CPED1: variants seen among roughly 807,000 people sequenced by gnomAD.
CPED1 encodes the protein cadherin-like and PC-esterase domain-containing protein 1.
CPED1 carries 114 observed loss-of-function variants against 128.2 expected under a neutral mutation model. The observed-to-expected ratio is 0.89, with a 90% CI of 0.76 to 1.04. The LOEUF is 1.04. Ranked by LOEUF, CPED1 falls within the 50% of genes least tolerant of loss-of-function variation. The probability of loss-of-function intolerance (pLI) is 0.00; values close to 1 mark genes in which losing one functional copy is unlikely to be tolerated. For synonymous variants in CPED1, 462 were observed against 426.7 expected (o/e 1.08, Z -1.02); for missense variants, 1,211 against 1,207.1 (o/e 1.00, Z -0.05).
At chr7:121,240,765 T>TTAAAAAAAAAA (rs558624522) in intron 17 of CPED1, among the ~76,000 whole-genome samples, 3 of 93,790 alleles carry the variant, frequency 3.2e-5, no homozygotes, top group Non-Finnish European at 5.9e-5. Context: ...CCTCTTCTGT[T>TTAAAAAAAAAA]AAAAAAAAAA....
At chr7:121,144,294 C>A (rs1795972476) in intron 16 of CPED1, among the ~76,000 whole-genome samples, 1 of 152,030 alleles carries the variant, frequency 6.6e-6, no homozygotes, top group South Asian at 2.1e-4. Flanking sequence ...ACCTAAGTGT[C>A]CATCAATGGA....
At chr7:121,142,190 TA>T in intron 16 of CPED1, 49 bp downstream of exon 16, 1 of 1,444,436 alleles carries the variant, frequency 6.9e-7, no homozygotes, top group Non-Finnish European at 9.4e-7. Context: ...AATGATCTGT[TA>T]ACCCAGGCGG....
In CPED1 at chr7:121,250,725, G is replaced by T. The variant is rs1449998393; in HGVS notation, c.2310+6387G>T. Among the ~76,000 whole-genome samples, 14 of 152,052 alleles carry T rather than the reference G, an allele frequency of 9.2e-5. No homozygotes were observed. In the East Asian group the frequency reaches 2.7e-3, roughly 29 times the overall value. ...ATAAACTAGAAAATCTAGAAGAAATGGATAAATTCCTCAACACATACACCC... is the reference window on the plus strand; with the variant it reads ...ATAAACTAGAAAATCTAGAAGAAATTGATAAATTCCTCAACACATACACCC... On this transcript the variant is annotated intron_variant, in intron 18 of 22. Transcript: ENST00000310396.
rs1224053933 is a variant in CPED1 at position 121,127,199 on chromosome 7, C to G, written c.1244C>G (p.Ser415Ter). 6.3e-7 allele frequency: 1 copy of G among 1,592,008 alleles called. No individual in the cohort carries two copies. The highest frequency in any genetic ancestry group is 1.3e-5 in the African/African-American group (1 of 74,360). Residue 415 changes from serine (S) to a stop codon, truncating the protein, a stop_gained, in exon 10 of 23, where the codon TCA becomes TGA. Transcript: ENST00000310396. LOFTEE classifies it high-confidence loss of function. ...TTCAATTTTCTCTTCCCTAATGAAT[C>G]ATCACTTTCCATATTTTCTGAGATA... ...DTFNFLFPNESSLSIFSEIFQ... is the reference protein window; with the variant it reads ...DTFNFLFPNE
At chr7:120,997,514 C>G (rs1796426917) in intron 2 of CPED1, among the ~76,000 whole-genome samples, 2 of 152,162 alleles carry the variant, frequency 1.3e-5, no homozygotes, top group Non-Finnish European at 2.9e-5. Context: ...GCCCTAAACT[C>G]CAGTACCTCA....
intron 18 of CPED1, among the ~76,000 whole-genome samples, chr7:121,252,767 G>T (rs550995967): frequency 6.6e-6 from 1 of 152,076 alleles, no homozygotes; most frequent in Admixed American, 6.6e-5. Context: ...CAGTGAGATA[G>T]CATCTCACAC....
chr7:121,086,757 C>T (rs751449009), intron 5 of CPED1, among the ~76,000 whole-genome samples: 2 of 152,208 alleles, frequency 1.3e-5, no homozygotes, highest in Admixed American at 1.3e-4. Context: ...GTGCTGAAAA[C>T]CTGAATTGCA....
intron 14 of CPED1, 38 bp downstream of exon 14, chr7:121,136,128 CA>C: frequency 6.6e-7 from 1 of 1,517,974 alleles, no homozygotes; most frequent in Non-Finnish European, 8.8e-7. Flanking sequence ...GCATAATAAA[CA>C]ATTAGGGAAC....
chr7:121,133,403 G>A (rs1349475201), intron 12 of CPED1, among the ~76,000 whole-genome samples: 2 of 152,068 alleles, frequency 1.3e-5, no homozygotes, highest in Non-Finnish European at 2.9e-5. Flanking sequence ...GTCATTTTCT[G>A]CATGGTATAC....
chr7:121,154,206 C>T (rs973723288), intron 16 of CPED1, among the ~76,000 whole-genome samples: 2 of 152,186 alleles, frequency 1.3e-5, no homozygotes, highest in African/African-American at 4.8e-5. Context: ...TAATCATCTC[C>T]ATATGAGGAG....
chr7:121,094,426 CAT>C (rs901421725), intron 5 of CPED1, among the ~76,000 whole-genome samples: 3 of 152,106 alleles, frequency 2.0e-5, no homozygotes, highest in African/African-American at 4.8e-5. Flanking sequence ...TGTATATACT[CAT>C]ATGTCACATA....
chr7:121,028,880 A>C (rs536190812), intron 3 of CPED1, among the ~76,000 whole-genome samples: 118 of 152,320 alleles, frequency 7.7e-4, no homozygotes, highest in African/African-American at 2.7e-3. Context: ...AAAGATAATT[A>C]ATGTTGGATG....
At chr7:121,292,588 G>A (rs1323696157) in intron 22 of CPED1, among the ~76,000 whole-genome samples, 3 of 152,054 alleles carry the variant, frequency 2.0e-5, no homozygotes, top group African/African-American at 7.2e-5. Context: ...GTTTGGAGGA[G>A]AAGAGGCATT....
intron 18 of CPED1, among the ~76,000 whole-genome samples, chr7:121,252,381 C>A (rs1176462285): frequency 6.6e-6 from 1 of 152,006 alleles, no homozygotes; most frequent in East Asian, 1.9e-4. Flanking sequence ...AAAACCTAGG[C>A]AATACCATTC....
chr7:121,029,133 G>A (rs1165745218), intron 3 of CPED1, among the ~76,000 whole-genome samples: 1 of 151,734 alleles, frequency 6.6e-6, no homozygotes, highest in Non-Finnish European at 1.5e-5. Flanking sequence ...ATTTCCCACT[G>A]TTTTGCTGTT....
intron 22 of CPED1, among the ~76,000 whole-genome samples, chr7:121,273,360 A>G (rs1792269588): frequency 6.6e-6 from 1 of 151,986 alleles, no homozygotes; most frequent in South Asian, 2.1e-4. Context: ...CGTCTCTACT[A>G]AAAATACAAA....
intron 3 of CPED1, among the ~76,000 whole-genome samples, chr7:121,041,383 AATAT>A (rs3067999): frequency 6.6e-6 from 1 of 150,652 alleles, no homozygotes; most frequent in African/African-American, 2.4e-5. Flanking sequence ...AATACAGAAA[AATAT>A]ATATATATAT....
At chr7:121,000,087 A>G (rs1791796399) in intron 2 of CPED1, among the ~76,000 whole-genome samples, 1 of 152,156 alleles carries the variant, frequency 6.6e-6, no homozygotes, top group Non-Finnish European at 1.5e-5. Context: ...CTGACATTAT[A>G]AAAAGGGCTT....
chr7:121,044,629 T>C (rs1793140480), intron 3 of CPED1, among the ~76,000 whole-genome samples: 1 of 146,790 alleles, frequency 6.8e-6, no homozygotes, highest in Non-Finnish European at 1.5e-5. Flanking sequence ...AAGAGATTGC[T>C]GAGAGCAGTG....
Sources: allele counts gnomAD v4.1 joint callset (sites outside exome capture counted in the v4.1 genomes callset), GRCh38; gene constraint gnomAD v4.1.1; transcripts MANE v1.5; gene names NCBI Gene and HGNC (gene_info 2026-07-23, HGNC 2026-07-21).